Variants in RGS18 observed in about 807,000 individuals in gnomAD.
RGS18 encodes regulator of G protein signaling 18.
A neutral mutation model predicts 27.6 loss-of-function variants in RGS18; 22 were observed. The observed-to-expected ratio is 0.80, with a 90% CI of 0.57 to 1.14. The LOEUF is 1.14. Ranked by LOEUF, RGS18 falls within the 50% of genes most tolerant of loss-of-function variation. The pLI, the probability that RGS18 is intolerant of heterozygous loss-of-function variation, is 0.00. For missense variants in RGS18, 299 were observed against 269.6 expected (o/e 1.11, Z -0.76); for synonymous variants, 89 against 84.6 (o/e 1.05, Z -0.29).
intron 3 of RGS18, among the ~76,000 whole-genome samples, chr1:192,165,641 A>G (rs1333834593): frequency 6.6e-6 from 1 of 152,150 alleles, no homozygotes; most frequent in Non-Finnish European, 1.5e-5. Context: ...AAAAGAACCT[A>G]TGTTGAAATA....
chr1:192,160,249 A>C, intron 2 of RGS18, 129 bp from the exon 3 acceptor site: 1 of 448,142 alleles, frequency 2.2e-6, no homozygotes. Flanking sequence ...TGCAATTTTC[A>C]TTATATTATA....
chr1:192,176,152 A>G lies in RGS18; in HGVS notation c.284-5140A>G, dbSNP rs1656354748. ...AAGGTTATTCTGGTCAATTTCTCTT[A>G]TCTCAGGATGTTGCATTGTCAGCAC... On this transcript the variant is annotated intron_variant, in intron 3 of 4. Transcript: ENST00000367460. 2.0e-5 allele frequency among the ~76,000 whole-genome samples: 3 copies of G among 151,868 alleles called. No individual in the cohort carries two copies. In the South Asian group the frequency reaches 6.2e-4, roughly 31 times the overall value.
intron 3 of RGS18, among the ~76,000 whole-genome samples, chr1:192,164,495 CT>C (rs1464924137): frequency 1.3e-5 from 2 of 151,648 alleles, no homozygotes; most frequent in African/African-American, 4.8e-5. Flanking sequence ...CACAGTTTAA[CT>C]TTTTTAAAAT....
chr1:192,160,097 T>C (rs1185778812), intron 2 of RGS18, among the ~76,000 whole-genome samples: 1 of 152,060 alleles, frequency 6.6e-6, no homozygotes, highest in Non-Finnish European at 1.5e-5. Flanking sequence ...CTGTGCCCTT[T>C]AACCTAAAAA....
Position 192,158,569 on chromosome 1 carries a change from G to A in RGS18, c.-69G>A. The A allele has an allele frequency of 7.5e-7, 1 of 1,339,434 alleles. No individual in the cohort carries two copies. Among genetic ancestry groups the A allele is most frequent in the Non-Finnish European group, 1.0e-6 (1 of 1,001,668 alleles). 83.0% of individuals were successfully genotyped at this position (1,339,434 alleles called of 1,614,324 possible). ...TTTTTATTCTACTATGTATATGTAT[G>A]GAATAGTATTAATAAATGAACTAGG... On this transcript the variant is annotated 5_prime_UTR_variant, in exon 1 of 5. The change abolishes an upstream ATG in the 5' untranslated region. Coordinates refer to ENST00000367460, the MANE Select transcript of RGS18 (RefSeq NM_130782.3).
At chr1:192,162,798 A>G (rs1324674151) in intron 3 of RGS18, among the ~76,000 whole-genome samples, 1 of 152,154 alleles carries the variant, frequency 6.6e-6, no homozygotes, top group Non-Finnish European at 1.5e-5. Flanking sequence ...ACATTTTGGT[A>G]CTGCACTGCC....
intron 3 of RGS18, 28 bp from the exon 4 acceptor site, chr1:192,181,264 A>G (rs1278279691): frequency 7.3e-6 from 9 of 1,226,700 alleles, no homozygotes; most frequent in Non-Finnish European, 1.0e-5. Flanking sequence ...ATACCATTTT[A>G]TAGTTATATT....
intron 3 of RGS18, chr1:192,163,513 G>A (rs1459703901): frequency 3.3e-5 from 5 of 151,948 alleles, no homozygotes; most frequent in Admixed American, 1.3e-4. Context: ...GGACAAAATC[G>A]AATTTGCTAC....
At chr1:192,183,820 T>C (rs1345317563) in intron 4 of RGS18, among the ~76,000 whole-genome samples, 1 of 151,626 alleles carries the variant, frequency 6.6e-6, no homozygotes, top group African/African-American at 2.4e-5. Context: ...AGGTAATTTA[T>C]AAGAAAATAA....
At chr1:192,172,181 T>G (rs1216490260) in intron 3 of RGS18, among the ~76,000 whole-genome samples, 2 of 152,034 alleles carry the variant, frequency 1.3e-5, no homozygotes, top group African/African-American at 4.8e-5. Flanking sequence ...TGATCCTCAA[T>G]GTGGTGATGT....
intron 4 of RGS18, among the ~76,000 whole-genome samples, chr1:192,183,690 A>G (rs1656494383): frequency 6.6e-6 from 1 of 151,640 alleles, no homozygotes; most frequent in Non-Finnish European, 1.5e-5. Flanking sequence ...GAAACAACCC[A>G]ATTGTTTACT....
At chr1:192,173,898 T>C (rs1656312714) in intron 3 of RGS18, among the ~76,000 whole-genome samples, 1 of 151,774 alleles carries the variant, frequency 6.6e-6, no homozygotes, top group African/African-American at 2.4e-5. Flanking sequence ...ACATATATTT[T>C]TCCTCTTGTT....
rs1044678474 is a variant in RGS18 at position 192,184,186 on chromosome 1, G to A, written c.451-111G>A. On this transcript the variant is annotated intron_variant, in intron 4 of 4. Transcript: ENST00000367460. ...GGCTACACACATCCAAACTATATCT[G>A]CTTCTAAGCCCAAGATGCCCACTCC... 9.6e-6 allele frequency: 9 copies of A among 936,816 alleles called. No individual in the cohort carries two copies. In the African/African-American group the frequency reaches 1.5e-4, roughly 16 times the overall value. 58.0% of individuals were successfully genotyped at this position (936,816 alleles called of 1,614,324 possible).
chr1:192,161,073 A>G (rs987999608), intron 3 of RGS18, among the ~76,000 whole-genome samples: 5 of 152,170 alleles, frequency 3.3e-5, no homozygotes, highest in African/African-American at 9.7e-5. Flanking sequence ...GATGGTCTCA[A>G]TCTGCTGACC....
chr1:192,184,257 G>C (rs935531063), intron 4 of RGS18, 40 bp from the exon 5 acceptor site: 2 of 1,569,910 alleles, frequency 1.3e-6, no homozygotes, highest in Non-Finnish European at 1.7e-6. Flanking sequence ...GTTTATATAA[G>C]CATATTAACT....
Position 192,184,779 on chromosome 1 carries a change from A to T in RGS18, c.*225A>T, listed in dbSNP as rs1363935457. Reference sequence around the variant, plus strand: ...TGTCATTCCATTTATAATCAGAAAAAAAACTTATTTCTTAATCAAAAGGCA... The same window carrying T: ...TGTCATTCCATTTATAATCAGAAAATAAACTTATTTCTTAATCAAAAGGCA... On this transcript the variant is annotated 3_prime_UTR_variant, in exon 5 of 5. Coordinates refer to ENST00000367460, the MANE Select transcript of RGS18 (RefSeq NM_130782.3). The T allele has an allele frequency of 2.3e-6, 1 of 434,834 alleles. No homozygotes were observed. Among genetic ancestry groups the T allele is most frequent in the African/African-American group, 2.0e-5 (1 of 49,882 alleles). The allele number at this position is 434,834 out of a possible 1,614,324, so 26.9% of individuals were successfully genotyped here. A position where few individuals can be genotyped will look rare whatever the true frequency, so the allele number is the denominator to read the frequency against.
chr1:192,170,108 T>C (rs1340555431), intron 3 of RGS18, among the ~76,000 whole-genome samples: 1 of 152,162 alleles, frequency 6.6e-6, no homozygotes, highest in Non-Finnish European at 1.5e-5. Flanking sequence ...AGTTGGTGCA[T>C]AGATTATTGT....
chr1:192,176,676 G>C (rs1026611847), intron 3 of RGS18, among the ~76,000 whole-genome samples: 1 of 151,470 alleles, frequency 6.6e-6, no homozygotes, highest in African/African-American at 2.4e-5. Flanking sequence ...AAAATTGCTG[G>C]TCTCTGGTAC....
chr1:192,166,078 TA>T (rs1656158762), intron 3 of RGS18, among the ~76,000 whole-genome samples: 1 of 152,212 alleles, frequency 6.6e-6, no homozygotes, highest in Non-Finnish European at 1.5e-5. Context: ...TTTGAACTTA[TA>T]AAATCAGTTG....
Sources: allele counts gnomAD v4.1 joint callset (sites outside exome capture counted in the v4.1 genomes callset), GRCh38; gene constraint gnomAD v4.1.1; transcripts MANE v1.5; gene names NCBI Gene and HGNC (gene_info 2026-07-23, HGNC 2026-07-21).